The following NBPF3 variants were observed in gnomAD, a reference collection of about 807,000 sequenced individuals.
NBPF3 encodes the protein NBPF family member NBPF3.
A neutral mutation model predicts 78.1 loss-of-function variants in NBPF3; 57 were observed. The observed-to-expected ratio is 0.73, with a 90% CI of 0.59 to 0.91. The LOEUF is 0.91. NBPF3 is among the 40% of genes least tolerant of loss of function. NBPF3 has a pLI of 0.00. For synonymous variants in NBPF3, 182 were observed against 271.7 expected (o/e 0.67, Z 3.25); for missense variants, 510 against 715.3 (o/e 0.71, Z 3.27).
chr1:21,477,025 T>C lies in NBPF3; in HGVS notation c.993-1119T>C, dbSNP rs147863957. Among the ~76,000 whole-genome samples, 1,078 of 152,334 alleles carry C rather than the reference T, an allele frequency of 7.1e-3. 10 individuals carry two copies. Among genetic ancestry groups the C allele is most frequent in the African/African-American group, 0.024 (1,007 of 41,572 alleles). ...GCTCTTCTCACTTCATTTCATTAAT[T>C]TGATCTTCAATCACTAATACCCTTT... On this transcript the variant is annotated intron_variant, in intron 8 of 14. Coordinates refer to ENST00000318249, the MANE Select transcript of NBPF3 (RefSeq NM_032264.6).
At chr1:21,481,373 T>G (rs1177167545) in intron 12 of NBPF3, among the ~76,000 whole-genome samples, 4 of 92,088 alleles carry the variant, frequency 4.3e-5, no homozygotes, top group South Asian at 6.8e-4. Context: ...GAGCGCTCAC[T>G]CTCTCTCTCT....
intron 3 of NBPF3, among the ~76,000 whole-genome samples, chr1:21,469,654 G>A (rs1216418352): frequency 2.0e-5 from 3 of 152,198 alleles, no homozygotes; most frequent in African/African-American, 7.2e-5. Flanking sequence ...GCATCCAGGA[G>A]GCAGAGGTTG....
chr1:21,454,898 C>A (rs1333595324), intron 2 of NBPF3, among the ~76,000 whole-genome samples: 1 of 152,220 alleles, frequency 6.6e-6, no homozygotes, highest in African/African-American at 2.4e-5. Flanking sequence ...GCTGGGTCTT[C>A]TTCTCAGGGC....
intron 2 of NBPF3, among the ~76,000 whole-genome samples, chr1:21,462,634 T>C (rs1490702610): frequency 1.3e-5 from 2 of 152,220 alleles, no homozygotes; most frequent in Non-Finnish European, 2.9e-5. Flanking sequence ...TGAAATGATA[T>C]TCAAGTGACA....
At chr1:21,467,014 G>T (rs1462707744) in intron 2 of NBPF3, 7 of 984,700 alleles carry the variant, frequency 7.1e-6, no homozygotes, top group Admixed American at 1.2e-4. Flanking sequence ...ACTCACCCCT[G>T]TGTGACCTCA....
In NBPF3 at chr1:21,449,038, T is replaced by C. The variant is rs1438517276; in HGVS notation, c.133+3819T>C. On this transcript the variant is annotated intron_variant, in intron 2 of 14. Coordinates refer to ENST00000318249, the MANE Select transcript of NBPF3 (RefSeq NM_032264.6). ...TGACTTAAGGTGATATATAGAATTG[T>C]GCAGCCATCAGCAGAGTTCTACTTT... Among the ~76,000 whole-genome samples, 4 of 152,238 alleles carry C rather than the reference T, an allele frequency of 2.6e-5. No individual in the cohort carries two copies. In the East Asian group the frequency reaches 7.7e-4, roughly 29 times the overall value.
chr1:21,479,673 A>G (rs1362230378), intron 10 of NBPF3, among the ~76,000 whole-genome samples: 1 of 152,114 alleles, frequency 6.6e-6, no homozygotes, highest in South Asian at 2.1e-4. Context: ...ATTTTATGCA[A>G]AATTGTTGAG....
upstream of NBPF3, chr1:21,436,826 G>T: frequency 1.9e-6 from 2 of 1,029,276 alleles, no homozygotes; most frequent in Non-Finnish European, 2.5e-6. This position sits in a 1 kb window ranked among gnomAD's most constrained non-coding sequence, Gnocchi z 4.3. Flanking sequence ...AGGGGCTTGA[G>T]CGTTCTGGGT....
chr1:21,456,600 G>A (rs1054665890), intron 2 of NBPF3, among the ~76,000 whole-genome samples: 9 of 151,808 alleles, frequency 5.9e-5, no homozygotes, highest in Admixed American at 3.3e-4. Context: ...GAGAAAAACC[G>A]TATGATTACC....
chr1:21,477,933 C>A, intron 8 of NBPF3: 1 of 972,192 alleles, frequency 1.0e-6, no homozygotes, highest in Non-Finnish European at 1.5e-6. Flanking sequence ...GGCAAATGTA[C>A]TGAGCACGTG....
chr1:21,457,368 G>GTATATATATGTATA (rs1641675791), intron 2 of NBPF3, among the ~76,000 whole-genome samples: 2 of 12,340 alleles, frequency 1.6e-4, no homozygotes, highest in Non-Finnish European at 1.0e-3. Context: ...ATATATGTAT[G>GTATATATATGTATA]TATATATATG....
In NBPF3 at chr1:21,468,869, C is replaced by T. The variant is rs1158913963; in HGVS notation, c.315C>T (p.Tyr105=). The part of the protein sequence containing the change: ...KQKCLVTQVA[Y]FLANRQNNYD... ...AATGTCTTGTAACTCAAGTGGCCTA[C>T]TTCCTGGCCAACCGGCAAAATAATT... Residue 105 remains tyrosine (Y), a synonymous_variant, in exon 3 of 15, where the codon TAC becomes TAT. Coordinates refer to ENST00000318249, the MANE Select transcript of NBPF3 (RefSeq NM_032264.6). 1 of 1,614,140 alleles carries T rather than the reference C, an allele frequency of 6.2e-7. No individual in the cohort carries two copies. Among genetic ancestry groups the T allele is most frequent in the Non-Finnish European group, 8.5e-7 (1 of 1,179,980 alleles).
chr1:21,455,914 G>A (rs551419976), intron 2 of NBPF3, among the ~76,000 whole-genome samples: 2 of 152,234 alleles, frequency 1.3e-5, no homozygotes, highest in Admixed American at 6.5e-5. Context: ...TGCCATCCAC[G>A]GTGGGAAGAA....
At chr1:21,459,104 A>AAT (rs2147944843) in intron 2 of NBPF3, among the ~76,000 whole-genome samples, 1 of 152,334 alleles carries the variant, frequency 6.6e-6, no homozygotes, top group East Asian at 1.9e-4. Context: ...TAAATAGAGA[A>AAT]ATATATATCA....
At chr1:21,470,807 G>A in intron 4 of NBPF3, 73 bp downstream of exon 4, 1 of 1,003,618 alleles carries the variant, frequency 1.0e-6, no homozygotes, top group Non-Finnish European at 1.5e-6. Context: ...TCGGCAGGGA[G>A]AACTAAGAGC....
chr1:21,457,892 C>G (rs775649809), intron 2 of NBPF3, among the ~76,000 whole-genome samples: 1 of 152,152 alleles, frequency 6.6e-6, no homozygotes, highest in Non-Finnish European at 1.5e-5. Flanking sequence ...GTTTTTACTT[C>G]TGCAACTGAT....
chr1:21,458,837 C>T (rs114383491), intron 2 of NBPF3, among the ~76,000 whole-genome samples: 3,404 of 152,194 alleles, frequency 0.022, 59 homozygotes, highest in East Asian at 0.089. Flanking sequence ...GGCAGTAGTT[C>T]CATTAGTGTA....
At chr1:21,472,690 C>A (rs2147993692) in intron 5 of NBPF3, among the ~76,000 whole-genome samples, 153 bp from the exon 6 acceptor site, 1 of 152,308 alleles carries the variant, frequency 6.6e-6, no homozygotes, top group African/African-American at 2.4e-5. Flanking sequence ...GATCGGGAAA[C>A]CATGCCAGGG....
Position 21,474,893 on chromosome 1 carries a change from T to C in NBPF3, c.941-7T>C. ...AATGTGACCTGCTTCTCTGAATTTA[T>C]TTCCAGAAAATGAAAGTGATCATGA... is the stretch of plus-strand genomic sequence containing the variant. On this transcript the variant is annotated splice_polypyrimidine_tract_variant and splice_region_variant and intron_variant, in intron 7 of 14. Transcript: ENST00000318249. The C allele has an allele frequency of 6.3e-7, 1 of 1,599,784 alleles. No individual in the cohort carries two copies. The highest frequency in any genetic ancestry group is 8.5e-7 in the Non-Finnish European group (1 of 1,170,288).
Sources: gnomAD v4.1 joint callset for allele counts (sites outside exome capture counted in the v4.1 genomes callset) on GRCh38, gnomAD v4.1.1 for gene constraint, Gnocchi (gnomAD v3.1) non-coding constraint, MANE v1.5 for transcripts, NCBI Gene and HGNC (gene_info 2026-07-23, HGNC 2026-07-21) for gene names.